Variants in SPP1 observed in about 807,000 individuals in gnomAD.
SPP1 encodes the protein secreted phosphoprotein 1.
Under a neutral mutation model 20.8 loss-of-function variants are expected in SPP1, and 18 were observed. The observed-to-expected ratio is 0.87, with a 90% CI of 0.60 to 1.29. The LOEUF (loss-of-function observed/expected upper bound fraction) is 1.29. Among genes scored for constraint, SPP1 ranks in the 50% most tolerant of loss-of-function variants. The pLI, the probability that SPP1 is intolerant of heterozygous loss-of-function variation, is 0.00. For missense variants in SPP1, 363 were observed against 389.0 expected (o/e 0.93, Z 0.56); for synonymous variants, 146 against 141.5 (o/e 1.03, Z -0.23).
chr4:87,978,955 T>C (rs1019651845), intron 3 of SPP1, among the ~76,000 whole-genome samples: 1 of 152,164 alleles, frequency 6.6e-6, no homozygotes, highest in Non-Finnish European at 1.5e-5. Context: ...TTCCACTCCT[T>C]TGCAGTAGCA....
In SPP1 at chr4:87,982,575, C is replaced by G; in HGVS notation, c.624C>G (p.Ala208=). ...LNGAYKAIPV[A]QDLNAPSDWD... ...GTGCATACAAGGCCATCCCCGTTGCCCAGGACCTGAACGCGCCTTCTGATT... is the reference window on the plus strand; with the variant it reads ...GTGCATACAAGGCCATCCCCGTTGCGCAGGACCTGAACGCGCCTTCTGATT... Residue 208 remains alanine (A), a synonymous_variant, in exon 7 of 7, where the codon GCC becomes GCG. Transcript: ENST00000395080. 6.2e-7 allele frequency: 1 copy of G among 1,614,128 alleles called. No individual in the cohort carries two copies. The highest frequency in any genetic ancestry group is 8.5e-7 in the Non-Finnish European group (1 of 1,180,032).
chr4:87,982,930 T>C lies in SPP1; in HGVS notation c.*34T>C. On this transcript the variant is annotated 3_prime_UTR_variant, in exon 7 of 7. Transcript: ENST00000395080. ...AAAATACAATTTCTCACTTTGCATT[T>C]AGTCAAAAGAAAAAATGCTTTATAG... 6.5e-7 allele frequency: 1 copy of C among 1,543,370 alleles called. No homozygotes were observed. The highest frequency in any genetic ancestry group is 8.7e-7 in the Non-Finnish European group (1 of 1,149,148).
rs766127965 is a variant in SPP1 at position 87,982,871 on chromosome 4, A to G, written c.920A>G (p.Asp307Gly). The change falls in exon 7 of 7, where the codon GAT becomes GGT. Residue 307 changes from aspartate to glycine, a missense_variant. By Grantham distance (94) the Asp-to-Gly change is moderately conservative. Coordinates refer to ENST00000395080, the MANE Select transcript of SPP1 (RefSeq NM_001040058.2). ...AAATTTCGTATTTCTCATGAATTAG[A>G]TAGTGCATCTTCTGAGGTCAATTAA... ...HLKFRISHEL[D>G]SASSEVN is the part of the protein sequence containing the mutation. 1.2e-6 allele frequency: 2 copies of G among 1,612,956 alleles called. No homozygotes were observed. The highest frequency in any genetic ancestry group is 1.7e-6 in the Non-Finnish European group (2 of 1,179,322).
In SPP1 at chr4:87,982,486, A is replaced by T. The variant is rs557791334; in HGVS notation, c.541-6A>T. On this transcript the variant is annotated splice_region_variant and splice_polypyrimidine_tract_variant and intron_variant, in intron 6 of 6. Transcript: ENST00000395080. Reference sequence around the variant, plus strand: ...ATAATTATTCTTCATTTGTGCCGTGATTCAGTACCCTGATGCTACAGACGA... The same window carrying T: ...ATAATTATTCTTCATTTGTGCCGTGTTTCAGTACCCTGATGCTACAGACGA... 16 of 1,610,750 alleles carry T rather than the reference A, an allele frequency of 9.9e-6. No homozygotes were observed. The South Asian group carries it at 1.5e-4, about 16-fold the overall frequency.
At position 87,980,061 on chromosome 4, in the gene SPP1, C is replaced by A. The variant is rs757338944; in HGVS notation, c.109C>A (p.Pro37Thr). 1 of 1,613,848 alleles carries A rather than the reference C, an allele frequency of 6.2e-7. No individual in the cohort carries two copies. Among genetic ancestry groups the A allele is most frequent in the South Asian group, 1.1e-5 (1 of 91,062 alleles). ...SEEKQLYNKY[P>T]DAVATWLNPD... ...TTTTTTGTAGCTTTACAACAAATAC[C>A]CAGATGCTGTGGCCACATGGCTAAA... The change falls in exon 4 of 7, where the codon CCA (proline) becomes ACA (threonine). Residue 37 changes from proline to threonine, a missense_variant. By Grantham distance (38) the Pro-to-Thr change is conservative. Transcript: ENST00000395080.
intron 3 of SPP1, 110 bp from the exon 4 acceptor site, chr4:87,979,936 G>T: frequency 9.7e-7 from 1 of 1,028,744 alleles, no homozygotes; most frequent in East Asian, 2.6e-5. Flanking sequence ...AGGTACCTAA[G>T]GGTCCGGGTG....
chr4:87,978,604 C>A (rs371535577), intron 3 of SPP1, among the ~76,000 whole-genome samples: 106 of 151,982 alleles, frequency 7.0e-4, no homozygotes, highest in East Asian at 1.4e-3. Context: ...GGATGGTCTC[C>A]ATCTCCTGAC....
Position 87,982,939 on chromosome 4 carries a change from G to A in SPP1, c.*43G>A. ...TTTCTCACTTTGCATTTAGTCAAAA[G>A]AAAAAATGCTTTATAGCAAAATGAA... On this transcript the variant is annotated 3_prime_UTR_variant, in exon 7 of 7. Transcript: ENST00000395080. 6.6e-7 allele frequency: 1 copy of A among 1,525,596 alleles called. No individual in the cohort carries two copies. The highest frequency in any genetic ancestry group is 8.8e-7 in the Non-Finnish European group (1 of 1,137,966). The allele number at this position is 1,525,596 out of a possible 1,614,324, so 94.5% of individuals were successfully genotyped here. A position where few individuals can be genotyped will look rare whatever the true frequency, so the allele number is the denominator to read the frequency against.
chr4:87,980,205 T>G, intron 4 of SPP1, 79 bp downstream of exon 4: 1 of 1,545,606 alleles, frequency 6.5e-7, no homozygotes, highest in Non-Finnish European at 8.9e-7. Context: ...CTCAGATGAA[T>G]CCTGCCTGCC....
chr4:87,977,058 G>A lies in SPP1; in HGVS notation c.55-1G>A, dbSNP rs770882320. The A allele has an allele frequency of 1.2e-6, 2 of 1,613,994 alleles. No homozygotes were observed. The highest frequency in any genetic ancestry group is 2.2e-5 in the South Asian group (2 of 91,060). On this transcript the variant is annotated splice_acceptor_variant, in intron 2 of 6. Coordinates refer to ENST00000395080, the MANE Select transcript of SPP1 (RefSeq NM_001040058.2). LOFTEE classifies it high-confidence loss of function. ...CTTTCTTCATCTTTTCTGTTTCTAA[G>A]GTTAAACAGGCTGATTCTGGAAGTT...
At chr4:87,982,291 T>C (rs1031897084) in intron 6 of SPP1, among the ~76,000 whole-genome samples, 26 of 152,148 alleles carry the variant, frequency 1.7e-4, no homozygotes, top group African/African-American at 6.0e-4. Flanking sequence ...ATGTAAGTGA[T>C]GTAGTTATTA....
Position 87,983,022 on chromosome 4 carries a change from C to A in SPP1, c.*126C>A. 1 of 962,894 alleles carries A rather than the reference C, an allele frequency of 1.0e-6. No individual in the cohort carries two copies. Among genetic ancestry groups the A allele is most frequent in the Non-Finnish European group, 1.5e-6 (1 of 669,922 alleles). 59.6% of individuals were successfully genotyped at this position (962,894 alleles called of 1,614,324 possible). A position where few individuals can be genotyped will look rare whatever the true frequency, so the allele number is the denominator to read the frequency against. ...TGGTTGAATGTGTATCTATTTGAGT[C>A]TGGAAATAACTAATGTGTTTGATAA... On this transcript the variant is annotated 3_prime_UTR_variant, in exon 7 of 7. Transcript: ENST00000395080.
intron 6 of SPP1, among the ~76,000 whole-genome samples, chr4:87,982,038 T>A (rs1725670848): frequency 1.3e-5 from 2 of 152,134 alleles, no homozygotes; most frequent in African/African-American, 4.8e-5. Flanking sequence ...AAATCCTGGA[T>A]CACTTATTTT....
Position 87,982,953 on chromosome 4 carries a change from T to C in SPP1, c.*57T>C, listed in dbSNP as rs962883143. 38 of 1,478,804 alleles carry C rather than the reference T, an allele frequency of 2.6e-5. No individual in the cohort carries two copies. In the Admixed American group the frequency reaches 7.4e-4, roughly 29 times the overall value. The allele number at this position is 1,478,804 out of a possible 1,614,324, so 91.6% of individuals were successfully genotyped here. On this transcript the variant is annotated 3_prime_UTR_variant, in exon 7 of 7. Transcript: ENST00000395080. ...TTTAGTCAAAAGAAAAAATGCTTTATAGCAAAATGAAAGAGAACATGAAAT... is the reference window on the plus strand; with the variant it reads ...TTTAGTCAAAAGAAAAAATGCTTTACAGCAAAATGAAAGAGAACATGAAAT...
chr4:87,976,076 C>T (rs1725366746), intron 1 of SPP1, among the ~76,000 whole-genome samples: 1 of 152,140 alleles, frequency 6.6e-6, no homozygotes, highest in East Asian at 1.9e-4. Flanking sequence ...AAATTAAATT[C>T]CCCTTTGGAA....
intron 3 of SPP1, among the ~76,000 whole-genome samples, chr4:87,979,243 C>A (rs1243653032): frequency 6.8e-6 from 1 of 148,070 alleles, no homozygotes; most frequent in Non-Finnish European, 1.5e-5. Flanking sequence ...TGGCTCACTG[C>A]AAGCTCTGCC....
intron 3 of SPP1, among the ~76,000 whole-genome samples, chr4:87,979,619 C>T (rs1725565757): frequency 6.6e-6 from 1 of 152,118 alleles, no homozygotes; most frequent in Non-Finnish European, 1.5e-5. Context: ...TTTAGATGTG[C>T]TTTATCTGAG....
intron 5 of SPP1, chr4:87,980,710 C>A: frequency 2.3e-6 from 1 of 426,290 alleles, no homozygotes; most frequent in Non-Finnish European, 4.1e-6. Flanking sequence ...TATCTAATAT[C>A]TAATAAGCAT....
chr4:87,980,232 C>T, intron 4 of SPP1, 106 bp downstream of exon 4: 2 of 1,478,290 alleles, frequency 1.4e-6, no homozygotes, highest in Non-Finnish European at 1.9e-6. Flanking sequence ...CAAACATGTG[C>T]TTAGGACATT....
Sources: gnomAD v4.1 joint callset for allele counts (sites outside exome capture counted in the v4.1 genomes callset) on GRCh38, gnomAD v4.1.1 for gene constraint, MANE v1.5 for transcripts, NCBI Gene and HGNC (gene_info 2026-07-23, HGNC 2026-07-21) for gene names.